Variants in RPS6KC1 observed in about 807,000 individuals in gnomAD.
RPS6KC1 encodes the protein inactive ribosomal protein S6 kinase delta-1.
A neutral mutation model predicts 103.8 loss-of-function variants in RPS6KC1; 54 were observed. That is an observed-to-expected ratio of 0.52 (90% CI 0.42 to 0.65). The LOEUF (loss-of-function observed/expected upper bound fraction) is 0.65. Among genes scored for constraint, RPS6KC1 ranks in the 30% least tolerant of loss-of-function variants. RPS6KC1 has a pLI of 0.00. For missense variants in RPS6KC1, 1,151 were observed against 1,253.8 expected, an observed-to-expected ratio of 0.92 and a Z score of 1.24; for synonymous variants, 439 against 438.7, an observed-to-expected ratio of 1.00 and a Z score of -0.01.
At chr1:213,255,319 CT>C (rs1484106920) in intron 12 of RPS6KC1, among the ~76,000 whole-genome samples, 1 of 147,058 alleles carries the variant, frequency 6.8e-6, no homozygotes, top group Non-Finnish European at 1.5e-5. Context: ...GGATGAGAAC[CT>C]TAAAAAAAAA....
chr1:213,844,678 G>T, the RPS6KC1 span, among the ~76,000 whole-genome samples: 1 of 152,094 alleles, frequency 6.6e-6, no homozygotes, highest in East Asian at 1.9e-4. Context: ...GAAAATCACA[G>T]GCATTTTTTA....
At chr1:213,499,979 G>GA in the RPS6KC1 span, among the ~76,000 whole-genome samples, 2 of 152,210 alleles carry the variant, frequency 1.3e-5, no homozygotes, top group African/African-American at 2.4e-5. Flanking sequence ...AATGTTGAGT[G>GA]AATGTGAAGG....
At chr1:213,747,459 G>A in the RPS6KC1 span, among the ~76,000 whole-genome samples, 1 of 152,176 alleles carries the variant, frequency 6.6e-6, no homozygotes, top group Non-Finnish European at 1.5e-5. Context: ...CCACTGCAAA[G>A]GAGATCAAAG....
the RPS6KC1 span, among the ~76,000 whole-genome samples, chr1:213,784,868 T>C: frequency 2.0e-5 from 3 of 152,142 alleles, no homozygotes; most frequent in Non-Finnish European, 4.4e-5. Flanking sequence ...ATACCATGAG[T>C]GATGAGTTTC....
At chr1:213,662,095 G>A in the RPS6KC1 span, among the ~76,000 whole-genome samples, 1 of 151,934 alleles carries the variant, frequency 6.6e-6, no homozygotes, top group African/African-American at 2.4e-5. Flanking sequence ...GGTCTTTCCC[G>A]GAACTTCTTT....
chr1:213,327,167 CG>C, the RPS6KC1 span, among the ~76,000 whole-genome samples: 1 of 150,066 alleles, frequency 6.7e-6, no homozygotes, highest in Admixed American at 6.7e-5. Flanking sequence ...GCCTGCAGTG[CG>C]GGGGTGTGAG....
At chr1:213,135,765 G>A (rs2086201514) in intron 6 of RPS6KC1, among the ~76,000 whole-genome samples, 1 of 152,096 alleles carries the variant, frequency 6.6e-6, no homozygotes, top group African/African-American at 2.4e-5. Flanking sequence ...GTTGATCCAG[G>A]AAGTGTCTGC....
At chr1:213,137,777 C>CTATATATATATATATATA (rs1553340162) in intron 6 of RPS6KC1, among the ~76,000 whole-genome samples, 2 of 63,590 alleles carry the variant, frequency 3.1e-5, no homozygotes, top group African/African-American at 2.1e-4. Flanking sequence ...CTCTCTCTCT[C>CTATATATATATATATATA]TATATATATA....
rs186997995 is a variant in RPS6KC1, at chr1:213,139,087, G to T, written c.835+9198G>T. Among the ~76,000 whole-genome samples the T allele has an allele frequency of 9.9e-5, 15 of 152,182 alleles. No individual in the cohort carries two copies. The East Asian group carries it at 2.5e-3, about 25-fold the overall frequency. ...TGCTGTCTCATTGTGGTTTTGATTT[G>T]CATTTCTCTACTGATTAGTTATATT... On this transcript the variant is annotated intron_variant, in intron 6 of 14. Transcript: ENST00000366960.
chr1:213,808,500 C>A, the RPS6KC1 span, among the ~76,000 whole-genome samples: 1 of 152,366 alleles, frequency 6.6e-6, no homozygotes, highest in East Asian at 1.9e-4. Context: ...GCCCCTCCCC[C>A]AGCCTCGCTG....
chr1:213,661,649 C>T, the RPS6KC1 span, among the ~76,000 whole-genome samples: 10 of 151,986 alleles, frequency 6.6e-5, no homozygotes, highest in Admixed American at 1.3e-4. Flanking sequence ...TGTTTGGTGT[C>T]GAAAGGACCT....
At chr1:213,819,267 C>T in the RPS6KC1 span, 1 of 152,256 alleles carries the variant, frequency 6.6e-6, no homozygotes, top group African/African-American at 2.4e-5. Context: ...TCAGGGTTCA[C>T]CACACACTCC....
At chr1:213,124,323 C>A (rs976214321) in intron 5 of RPS6KC1, among the ~76,000 whole-genome samples, 2 of 152,274 alleles carry the variant, frequency 1.3e-5, no homozygotes, top group East Asian at 1.9e-4. Context: ...ATGGGGTTGA[C>A]TTCAGGTTGG....
chr1:213,180,411 C>CA (rs1465277748), intron 8 of RPS6KC1, among the ~76,000 whole-genome samples: 2 of 152,126 alleles, frequency 1.3e-5, no homozygotes. Flanking sequence ...TCAAGAGAAA[C>CA]AAATTATTGC....
chr1:213,090,765 A>G (rs531229327), intron 3 of RPS6KC1, among the ~76,000 whole-genome samples: 1 of 152,224 alleles, frequency 6.6e-6, no homozygotes, highest in African/African-American at 2.4e-5. Flanking sequence ...GGTTTTAGCT[A>G]TTAATATTTA....
intron 12 of RPS6KC1, among the ~76,000 whole-genome samples, chr1:213,258,800 C>A (rs1229764328): frequency 2.6e-5 from 4 of 152,142 alleles, no homozygotes; most frequent in Non-Finnish European, 5.9e-5. Flanking sequence ...ATAACACACA[C>A]CCTTTATAAA....
intron 6 of RPS6KC1, among the ~76,000 whole-genome samples, chr1:213,150,620 A>G (rs1393840178): frequency 3.3e-5 from 5 of 151,636 alleles, no homozygotes; most frequent in Non-Finnish European, 7.4e-5. Context: ...CAGAGAGCAC[A>G]GGGTTGGAGG....
chr1:213,320,304 T>A, the RPS6KC1 span, among the ~76,000 whole-genome samples: 2 of 152,238 alleles, frequency 1.3e-5, no homozygotes, highest in African/African-American at 4.8e-5. Context: ...GAACTGAAGA[T>A]AATTAATACA....
chr1:213,186,982 A>G (rs2092558026), intron 8 of RPS6KC1, among the ~76,000 whole-genome samples: 1 of 152,084 alleles, frequency 6.6e-6, no homozygotes. Context: ...ATCATGGCTC[A>G]TTTCATCCTC....
Sources: gnomAD v4.1 joint callset for allele counts (sites outside exome capture counted in the v4.1 genomes callset) on GRCh38, gnomAD v4.1.1 for gene constraint, MANE v1.5 for transcripts, NCBI Gene and HGNC (gene_info 2026-07-23, HGNC 2026-07-21) for gene names.